The following SLC12A2 variants were observed in gnomAD, a reference collection of about 807,000 sequenced individuals.
The protein encoded by SLC12A2 is Na-K-2Cl cotransporter 1.
In SLC12A2, 67 loss-of-function variants were observed where a neutral mutation model predicts 136.3. The observed-to-expected ratio is 0.49, with a 90% CI of 0.40 to 0.60. The LOEUF is 0.60. Among genes scored for constraint, SLC12A2 ranks in the 20% least tolerant of loss-of-function variants. The pLI is 0.00. For synonymous variants in SLC12A2, 619 were observed against 562.9 expected (o/e 1.10, Z -1.41); for missense variants, 1,322 against 1,534.7 (o/e 0.86, Z 2.32).
chr5:128,084,833 C>T lies in SLC12A2; in HGVS notation c.756+123C>T, dbSNP rs1362424278. 4.5e-6 allele frequency: 5 copies of T among 1,101,916 alleles called. No homozygotes were observed. Among genetic ancestry groups the T allele is most frequent in the Admixed American group, 2.9e-5 (1 of 34,522 alleles). 68.3% of individuals were successfully genotyped at this position (1,101,916 alleles called of 1,614,324 possible). A position where few individuals can be genotyped will look rare whatever the true frequency, so the allele number is the denominator to read the frequency against. On this transcript the variant is annotated intron_variant, in intron 1 of 26. Transcript: ENST00000262461. This position sits in a 1 kb window ranked among gnomAD's most constrained non-coding sequence, Gnocchi z 5.6. ...GTAGACGTGCACGACTTGCTGGCAT[C>T]TCTGGATTCAGCTGTCAAGGGTGGA...
At chr5:128,154,288 TGA>T (rs1762803645) in intron 15 of SLC12A2, among the ~76,000 whole-genome samples, 1 of 151,924 alleles carries the variant, frequency 6.6e-6, no homozygotes, top group Non-Finnish European at 1.5e-5. Context: ...TAGCCAAGTA[TGA>T]TGGTGCATAC....
chr5:128,102,596 CTTTTTTTTTTTTT>C (rs70997362), intron 1 of SLC12A2, among the ~76,000 whole-genome samples: 11,371 of 40,794 alleles, frequency 0.28, 739 homozygotes, highest in Admixed American at 0.42. Flanking sequence ...CCCCCCCCGC[CTTTTTTTTTTTTT>C]TTTTTTTTTT....
intron 1 of SLC12A2, among the ~76,000 whole-genome samples, chr5:128,112,449 G>A (rs1761185654): frequency 6.6e-6 from 1 of 152,178 alleles, no homozygotes; most frequent in Non-Finnish European, 1.5e-5. Context: ...GTGGCAACTA[G>A]GTGATGTAAA....
intron 18 of SLC12A2, chr5:128,169,821 C>T (rs1036634535): frequency 3.9e-5 from 6 of 152,106 alleles, no homozygotes; most frequent in South Asian, 4.1e-4. Context: ...GTTGTAGTTG[C>T]TCATAATGGA....
At chr5:128,185,838 C>T (rs1035140694) in intron 26 of SLC12A2, among the ~76,000 whole-genome samples, 3 of 152,012 alleles carry the variant, frequency 2.0e-5, no homozygotes, top group Non-Finnish European at 4.4e-5. Context: ...TTCTTATGAA[C>T]AAATTTTGAA....
At chr5:128,162,430 C>T (rs1386095055) in intron 17 of SLC12A2, among the ~76,000 whole-genome samples, 1 of 151,562 alleles carries the variant, frequency 6.6e-6, no homozygotes, top group African/African-American at 2.4e-5. Context: ...CCACACAAAA[C>T]ACATCTCCAG....
At chr5:128,158,919 ATTTTTTTATACTAAAAC>A (rs1762948703) in intron 16 of SLC12A2, among the ~76,000 whole-genome samples, 1 of 149,276 alleles carries the variant, frequency 6.7e-6, no homozygotes, top group Non-Finnish European at 1.5e-5. Context: ...GTGTGAAATA[ATTTTTTTATACTAAAAC>A]TTTTATGCTG....
chr5:128,085,621 A>G (rs1401123210), intron 1 of SLC12A2, among the ~76,000 whole-genome samples: 1 of 152,254 alleles, frequency 6.6e-6, no homozygotes, highest in Middle Eastern at 3.2e-3. Flanking sequence ...AGCCGGGATT[A>G]CTTGAAGTCT....
chr5:128,140,039 C>G (rs1762311934), intron 9 of SLC12A2, among the ~76,000 whole-genome samples: 1 of 152,098 alleles, frequency 6.6e-6, no homozygotes, highest in Non-Finnish European at 1.5e-5. Flanking sequence ...CACTCTGTTT[C>G]CCAGGCTGGA....
chr5:128,166,441 C>A (rs558326317), intron 17 of SLC12A2, among the ~76,000 whole-genome samples: 2 of 151,616 alleles, frequency 1.3e-5, no homozygotes, highest in Admixed American at 1.3e-4. Flanking sequence ...CGTCTCCCAA[C>A]AGATGAATGG....
intron 1 of SLC12A2, among the ~76,000 whole-genome samples, chr5:128,102,227 TAAAA>T (rs916385168): frequency 1.3e-5 from 2 of 151,776 alleles, no homozygotes; most frequent in South Asian, 2.1e-4. Context: ...TTGTGGAATC[TAAAA>T]AAAACATAAA....
Position 128,151,399 on chromosome 5 carries a change from C to A in SLC12A2, c.2263+3C>A. The A allele has an allele frequency of 6.2e-7, 1 of 1,605,284 alleles. No homozygotes were observed. The highest frequency in any genetic ancestry group is 1.1e-5 in the South Asian group (1 of 88,630). Reference sequence around the variant, plus strand: ...TTATGTTACCTACAAAAAACCAGGTCAGTAGCCTTTTTTGTTTATATCCCA... The same window carrying A: ...TTATGTTACCTACAAAAAACCAGGTAAGTAGCCTTTTTTGTTTATATCCCA... On this transcript the variant is annotated splice_donor_region_variant and intron_variant, in intron 14 of 26. Transcript: ENST00000262461.
At chr5:128,106,872 C>T (rs184655655) in intron 1 of SLC12A2, among the ~76,000 whole-genome samples, 73 of 152,174 alleles carry the variant, frequency 4.8e-4, no homozygotes, top group Middle Eastern at 3.4e-3. Context: ...GAAAAAGTAG[C>T]CTACTAAGTA....
chr5:128,137,058 A>G (rs187964985), intron 7 of SLC12A2, among the ~76,000 whole-genome samples: 4 of 152,092 alleles, frequency 2.6e-5, no homozygotes, highest in Admixed American at 6.6e-5. Context: ...CTCTGCAGCA[A>G]CCTCCTAATG....
Position 128,084,191 on chromosome 5 carries a change from C to A in SLC12A2, c.237C>A (p.Ser79Arg). Residue 79 changes from serine (S) to arginine (R), a missense_variant, in exon 1 of 27, where the codon AGC (serine) becomes AGA (arginine). Physicochemically the swap from Ser to Arg is moderately radical, Grantham distance 110 (BLOSUM62 -1). Transcript: ENST00000262461. The surrounding 1 kb of genome is among the most constrained non-coding windows in gnomAD (Gnocchi z 5.6). The stretch of plus-strand genomic sequence containing the variant: ...CCTTGGGGCCCACCCCGAGCCAGAG[C>A]CGTTTCCAGGTGGACCTGGTTTCCG... ...GRPLGPTPSQSRFQVDLVSEN... is the reference protein window; with the variant it reads ...GRPLGPTPSQRRFQVDLVSEN... 8 of 1,292,646 alleles carry A rather than the reference C, an allele frequency of 6.2e-6. No homozygotes were observed. Among genetic ancestry groups the A allele is most frequent in the Non-Finnish European group, 7.8e-6 (8 of 1,028,958 alleles). 80.1% of individuals were successfully genotyped at this position (1,292,646 alleles called of 1,614,324 possible). A position where few individuals can be genotyped will look rare whatever the true frequency, so the allele number is the denominator to read the frequency against.
At chr5:128,121,807 C>T (rs943704841) in intron 4 of SLC12A2, among the ~76,000 whole-genome samples, 7 of 152,114 alleles carry the variant, frequency 4.6e-5, no homozygotes, top group African/African-American at 1.7e-4. Flanking sequence ...ATTTTAGAGC[C>T]CTTTCCTGTT....
At chr5:128,151,132 G>A (rs1049595531) in intron 13 of SLC12A2, 109 bp from the exon 14 acceptor site, 1 of 877,408 alleles carries the variant, frequency 1.1e-6, no homozygotes, top group African/African-American at 1.7e-5. Flanking sequence ...AATGCTTAAA[G>A]TCCTCTCAGT....
At chr5:128,110,829 C>T (rs2126667315) in intron 1 of SLC12A2, 1 of 1,473,772 alleles carries the variant, frequency 6.8e-7, no homozygotes, top group Non-Finnish European at 9.5e-7. Context: ...GAAATAATCT[C>T]ATGGATGATG....
At chr5:128,126,966 A>ATATATATATATATATATATATAATTT in intron 4 of SLC12A2, among the ~76,000 whole-genome samples, 1 of 21,158 alleles carries the variant, frequency 4.7e-5, no homozygotes, top group African/African-American at 2.5e-4. Flanking sequence ...ATATATATAT[A>ATATATATATATATATATATATAATTT]TTTTTTTTTT....
Sources: allele counts gnomAD v4.1 joint callset (sites outside exome capture counted in the v4.1 genomes callset), GRCh38; gene constraint gnomAD v4.1.1; non-coding constraint Gnocchi (gnomAD v3.1); transcripts MANE v1.5; gene names NCBI Gene and HGNC (gene_info 2026-07-23, HGNC 2026-07-21).